The following KIAA1328 variants were observed in gnomAD, a reference collection of about 807,000 sequenced individuals.
KIAA1328 encodes KIAA1328.
A neutral mutation model predicts 68.1 loss-of-function variants in KIAA1328; 52 were observed. The ratio of observed to expected loss-of-function variants is 0.76; its 90% CI spans 0.61 to 0.96. KIAA1328 has a LOEUF of 0.96. Among genes scored for constraint, KIAA1328 ranks in the 40% least tolerant of loss-of-function variants. The probability of loss-of-function intolerance (pLI) is 0.00; values close to 1 mark genes in which losing one functional copy is unlikely to be tolerated. For missense variants in KIAA1328, 641 were observed against 677.6 expected, an observed-to-expected ratio of 0.95 and a Z score of 0.60; for synonymous variants, 232 against 239.4, an observed-to-expected ratio of 0.97 and a Z score of 0.28.
chr18:37,040,001 A>T (rs994230512), intron 6 of KIAA1328, among the ~76,000 whole-genome samples: 1 of 152,148 alleles, frequency 6.6e-6, no homozygotes, highest in African/African-American at 2.4e-5. Flanking sequence ...GGCCACTCTC[A>T]TCTTAATAGA....
chr18:37,029,057 C>T (rs2054713146), intron 6 of KIAA1328, among the ~76,000 whole-genome samples: 1 of 152,058 alleles, frequency 6.6e-6, no homozygotes. Flanking sequence ...CAAAGTCCCT[C>T]CTACTTGATT....
chr18:36,919,261 A>T (rs1476173091), intron 5 of KIAA1328, among the ~76,000 whole-genome samples: 1 of 152,174 alleles, frequency 6.6e-6, no homozygotes, highest in Non-Finnish European at 1.5e-5. Flanking sequence ...TTGTTTGTAC[A>T]GTATGTCTAG....
chr18:36,966,728 G>T (rs1376715688), intron 6 of KIAA1328, among the ~76,000 whole-genome samples: 1 of 152,126 alleles, frequency 6.6e-6, no homozygotes, highest in South Asian at 2.1e-4. Context: ...TAACAGAAGT[G>T]CAAGACGTAT....
intron 4 of KIAA1328, among the ~76,000 whole-genome samples, chr18:36,853,725 C>A (rs752712494): frequency 2.0e-5 from 3 of 152,004 alleles, no homozygotes; most frequent in Non-Finnish European, 4.4e-5. Context: ...ATGGCACAAT[C>A]CTGGCTCACT....
intron 6 of KIAA1328, among the ~76,000 whole-genome samples, chr18:37,013,688 T>A (rs1388403900): frequency 3.3e-5 from 5 of 152,240 alleles, no homozygotes; most frequent in Non-Finnish European, 7.3e-5. Context: ...ATTCTTTTTA[T>A]GGCTGTGAGG....
chr18:36,829,281 G>A lies in KIAA1328; in HGVS notation c.58+85G>A, dbSNP rs748536070. On this transcript the variant is annotated intron_variant, in intron 1 of 9. Coordinates refer to ENST00000280020, the MANE Select transcript of KIAA1328 (RefSeq NM_020776.3). ...GCCGTCGCGTGGCAGTCCGAGAGCG[G>A]AGGAGAAGCTCCGAACTAACCCCGG... The A allele has an allele frequency of 1.3e-5, 19 of 1,440,816 alleles. No individual in the cohort carries two copies. In the South Asian group the frequency reaches 2.5e-4, roughly 19 times the overall value. The allele number at this position is 1,440,816 out of a possible 1,614,324, so 89.3% of individuals were successfully genotyped here.
intron 5 of KIAA1328, among the ~76,000 whole-genome samples, chr18:36,897,659 C>T (rs2048907577): frequency 6.6e-6 from 1 of 152,000 alleles, no homozygotes; most frequent in Non-Finnish European, 1.5e-5. Flanking sequence ...AAGTAGCCAC[C>T]TCTGTCTTAC....
At chr18:37,193,731 G>A in intron 9 of KIAA1328, 1 of 638,544 alleles carries the variant, frequency 1.6e-6, no homozygotes, top group South Asian at 1.7e-5. Flanking sequence ...ACTCACTTGT[G>A]AGAAACAGAA....
chr18:37,112,716 A>G, intron 7 of KIAA1328, among the ~76,000 whole-genome samples: 1 of 152,218 alleles, frequency 6.6e-6, no homozygotes. Flanking sequence ...TCTCCAAGTG[A>G]AAGGAGGATT....
chr18:37,000,042 C>T (rs188308125), intron 6 of KIAA1328, among the ~76,000 whole-genome samples: 11 of 152,084 alleles, frequency 7.2e-5, no homozygotes, highest in Non-Finnish European at 1.5e-4. Context: ...ATTAAATTCT[C>T]CACTCAGAAT....
chr18:37,047,063 C>T (rs748441626), intron 6 of KIAA1328, among the ~76,000 whole-genome samples: 17 of 152,152 alleles, frequency 1.1e-4, no homozygotes, highest in Admixed American at 2.6e-4. Context: ...ACCGAAATCG[C>T]GCCACTGCAC....
chr18:37,188,145 A>T (rs2059839019), intron 9 of KIAA1328, among the ~76,000 whole-genome samples: 1 of 152,222 alleles, frequency 6.6e-6, no homozygotes, highest in Admixed American at 6.5e-5. Flanking sequence ...TAATGAAGTG[A>T]TGCTGTCTTG....
chr18:36,912,075 C>T (rs543367858), intron 5 of KIAA1328, among the ~76,000 whole-genome samples: 4 of 152,110 alleles, frequency 2.6e-5, no homozygotes, highest in African/African-American at 9.6e-5. Flanking sequence ...ACCCTTTTCC[C>T]CTTCAAATCT....
chr18:36,903,237 T>C (rs1032727376), intron 5 of KIAA1328, among the ~76,000 whole-genome samples: 2 of 152,116 alleles, frequency 1.3e-5, no homozygotes, highest in Non-Finnish European at 2.9e-5. Flanking sequence ...CGTTTGACAT[T>C]ACAGTGAAAG....
At position 37,136,397 on chromosome 18, in the gene KIAA1328, T is replaced by C. The variant is rs142193570; in HGVS notation, c.1233-23803T>C. Among the ~76,000 whole-genome samples, 11 of 152,344 alleles carry C rather than the reference T, an allele frequency of 7.2e-5. No homozygotes were observed. In the East Asian group the frequency reaches 2.1e-3, roughly 29 times the overall value. ...TGTAAATATATCCTCATAGTGTCTT[T>C]CTCGTCTTGTGCCAGATTTTTGAAG... On this transcript the variant is annotated intron_variant, in intron 7 of 9. Transcript: ENST00000280020.
At chr18:37,024,070 A>G (rs1217111984) in intron 6 of KIAA1328, among the ~76,000 whole-genome samples, 15 of 152,106 alleles carry the variant, frequency 9.9e-5, no homozygotes, top group Non-Finnish European at 1.5e-5. Flanking sequence ...AACACGGCTT[A>G]CTGTAGCCTC....
At chr18:37,149,423 A>G (rs1233741741) in intron 7 of KIAA1328, among the ~76,000 whole-genome samples, 1 of 152,248 alleles carries the variant, frequency 6.6e-6, no homozygotes, top group Non-Finnish European at 1.5e-5. Flanking sequence ...ATAAAGTCTT[A>G]AATGTAAAAC....
chr18:36,931,984 A>G (rs1274194633), intron 5 of KIAA1328, among the ~76,000 whole-genome samples: 1 of 151,366 alleles, frequency 6.6e-6, no homozygotes, highest in African/African-American at 2.5e-5. Context: ...AATCAGTTAT[A>G]AAACAGGTAA....
chr18:37,049,178 G>C (rs750467524), intron 6 of KIAA1328, among the ~76,000 whole-genome samples: 1 of 152,148 alleles, frequency 6.6e-6, no homozygotes, highest in Non-Finnish European at 1.5e-5. Context: ...CACAAGGAAA[G>C]TTAGAGATGT....
Sources: allele counts gnomAD v4.1 joint callset (sites outside exome capture counted in the v4.1 genomes callset), GRCh38; gene constraint gnomAD v4.1.1; transcripts MANE v1.5; gene names NCBI Gene and HGNC (gene_info 2026-07-23, HGNC 2026-07-21).